APC: variants seen among roughly 807,000 people sequenced by gnomAD.
APC encodes APC regulator of Wnt signaling pathway, also known as adenomatous polyposis coli protein.
APC carries 72 observed loss-of-function variants against 247.0 expected under a neutral mutation model. That is an observed-to-expected ratio of 0.29 (90% confidence interval 0.24 to 0.35). The LOEUF (loss-of-function observed/expected upper bound fraction) is 0.35, where lower values mean the gene tolerates loss of function less well. Ranked by LOEUF, APC falls within the 10% of genes least tolerant of loss-of-function variation. APC has a pLI of 1.00. For missense variants in APC, 3,400 were observed against 3,360.7 expected, an observed-to-expected ratio of 1.01 and a Z score of -0.29; for synonymous variants, 1,254 against 1,162.5, an observed-to-expected ratio of 1.08 and a Z score of -1.60.
intron 1 of APC, among the ~76,000 whole-genome samples, chr5:112,729,552 G>A (rs917119976): frequency 2.6e-5 from 4 of 152,194 alleles, no homozygotes; most frequent in African/African-American, 9.6e-5. Context: ...GACAGGAGAA[G>A]TGATAAGAAT....
At position 112,723,927 on chromosome 5, in the gene APC, T is replaced by C. The variant is rs145567584; in HGVS notation, c.165+16045T>C. ...TGGGAGGGCTCTAATTTTGGGGGGGTCCAGGGTTTAATGATTAGAAATGAG... is the reference window on the plus strand; with the variant it reads ...TGGGAGGGCTCTAATTTTGGGGGGGCCCAGGGTTTAATGATTAGAAATGAG... On this transcript the variant is annotated intron_variant, in intron 1 of 13. Coordinates refer to the APC transcript ENST00000507379. Among the ~76,000 whole-genome samples, 76 of 151,968 alleles carry C rather than the reference T, an allele frequency of 5.0e-4. 2 individuals carry two copies. In the East Asian group the frequency reaches 0.013, roughly 26 times the overall value.
At chr5:112,792,675 A>C in intron 7 of APC, 146 bp downstream of exon 7, 4 of 655,170 alleles carry the variant, frequency 6.1e-6, no homozygotes, top group Non-Finnish European at 1.1e-5. Context: ...CGTGAAATTA[A>C]ATTATCAAAG....
intron 2 of APC, among the ~76,000 whole-genome samples, chr5:112,763,605 G>A (rs1363590645): frequency 2.0e-5 from 3 of 152,046 alleles, no homozygotes; most frequent in Non-Finnish European, 4.4e-5. Flanking sequence ...GTCCAATGAT[G>A]TACGAAGGAT....
Position 112,841,694 on chromosome 5 carries a change from T to A in APC, c.6100T>A (p.Ser2034Thr), listed in dbSNP as rs1766134330. ...NSSLSSLSID[S>T]EDDLLQECIS... ...TTCTCTCAGTTCTCTTAGTATTGAC[T>A]CTGAAGATGACCTGTTGCAGGAATG... Residue 2034 changes from serine (S) to threonine (T), a missense_variant, in exon 16 of 16, where the codon TCT (serine) becomes ACT (threonine). Around this residue, in one of 9 missense-constraint regions of APC, gnomAD observed 1,788 missense variants for 1,649.5 expected, o/e 1.08. Coordinates refer to ENST00000257430, the MANE Select transcript of APC (RefSeq NM_000038.6). This position sits in a 1 kb window ranked among gnomAD's most constrained non-coding sequence, Gnocchi z 4.6. The A allele has an allele frequency of 6.2e-7, 1 of 1,613,882 alleles. No homozygotes were observed.
At position 112,826,953 on chromosome 5, in the gene APC, A is replaced by T. The variant is rs1295033171; in HGVS notation, c.1409-155A>T. ...TAAATATATTATACAGAAGTTCTTT[A>T]TAACAGTTTTTGTAGCTTATAATTC... is the stretch of plus-strand genomic sequence containing the variant. On this transcript the variant is annotated intron_variant, in intron 11 of 15. Coordinates refer to ENST00000257430, the MANE Select transcript of APC (RefSeq NM_000038.6). 2.6e-5 allele frequency among the ~76,000 whole-genome samples: 4 copies of T among 152,226 alleles called. No homozygotes were observed. In the East Asian group the frequency reaches 7.7e-4, roughly 29 times the overall value.
At chr5:112,735,331 A>G (rs1186135836), upstream of APC, among the ~76,000 whole-genome samples, 3 of 151,912 alleles carry the variant, frequency 2.0e-5, no homozygotes, top group Non-Finnish European at 4.4e-5. Flanking sequence ...GCGTGTCACC[A>G]CAGCTGGCTA....
At chr5:112,748,604 G>C (rs1238865366) in intron 1 of APC, among the ~76,000 whole-genome samples, 1 of 152,130 alleles carries the variant, frequency 6.6e-6, no homozygotes, top group Non-Finnish European at 1.5e-5. Flanking sequence ...TGGAGCGCCT[G>C]TAATCCCAGC....
At chr5:112,763,822 T>A (rs1755942310) in intron 2 of APC, among the ~76,000 whole-genome samples, 1 of 152,250 alleles carries the variant, frequency 6.6e-6, no homozygotes. Context: ...ATGCAGATTT[T>A]CAGCCTCTAC....
chr5:112,780,717 T>A, intron 5 of APC, 73 bp from the exon 6 acceptor site: 1 of 1,043,976 alleles, frequency 9.6e-7, no homozygotes, highest in Non-Finnish European at 1.5e-6. Context: ...TATTGGTTCT[T>A]ATATGCTTTT....
intron 2 of APC, among the ~76,000 whole-genome samples, chr5:112,761,251 G>T (rs546257714): frequency 1.3e-5 from 2 of 152,228 alleles, no homozygotes; most frequent in South Asian, 4.2e-4. Context: ...ACAGTCAAAC[G>T]TTATATGAAA....
rs1199369770 is a variant in APC at position 112,707,683 on chromosome 5, G to C, written c.-35G>C. The C allele has an allele frequency of 7.3e-7, 1 of 1,370,394 alleles. No homozygotes were observed. The highest frequency in any genetic ancestry group is 9.6e-7 in the Non-Finnish European group (1 of 1,038,674). The allele number at this position is 1,370,394 out of a possible 1,614,324, so 84.9% of individuals were successfully genotyped here. On this transcript the variant is annotated 5_prime_UTR_variant, in exon 1 of 14. Coordinates refer to the APC transcript ENST00000507379. ...GTTGGCTGTTGGTGAGGAAGGTGAA[G>C]CACTCAGTTGCCTTCTCGGGCCTCG...
At position 112,827,259 on chromosome 5, in the gene APC, T is replaced by C. The variant is rs1656754842; in HGVS notation, c.1548+12T>C. 6.2e-7 allele frequency: 1 copy of C among 1,613,482 alleles called. No individual in the cohort carries two copies. Among genetic ancestry groups the C allele is most frequent in the Admixed American group, 1.7e-5 (1 of 59,992 alleles). Reference sequence around the variant, plus strand: ...ATGTAGCCAACAAGGTATGTTTTTATAACATGTATTTCTTAAGATAGCTCA... The same window carrying C: ...ATGTAGCCAACAAGGTATGTTTTTACAACATGTATTTCTTAAGATAGCTCA... On this transcript the variant is annotated intron_variant, in intron 12 of 15. Coordinates refer to ENST00000257430, the MANE Select transcript of APC (RefSeq NM_000038.6).
At chr5:112,764,674 T>C (rs1451769823) in intron 2 of APC, among the ~76,000 whole-genome samples, 2 of 152,204 alleles carry the variant, frequency 1.3e-5, no homozygotes, top group Non-Finnish European at 2.9e-5. Context: ...TCGAGACATG[T>C]CATTGGAAAT....
chr5:112,743,295 A>G (rs1188322168), intron 1 of APC, among the ~76,000 whole-genome samples: 1 of 152,192 alleles, frequency 6.6e-6, no homozygotes, highest in African/African-American at 2.4e-5. Context: ...CAGCTTCAAG[A>G]TCTTTAACTT....
At chr5:112,784,013 T>C (rs1417006237) in intron 6 of APC, among the ~76,000 whole-genome samples, 2 of 152,150 alleles carry the variant, frequency 1.3e-5, no homozygotes, top group Non-Finnish European at 2.9e-5. Context: ...TGACATGCAG[T>C]ATTAGCAAGG....
chr5:112,793,869 A>G (rs189041759), intron 7 of APC, among the ~76,000 whole-genome samples: 65 of 152,294 alleles, frequency 4.3e-4, no homozygotes, highest in African/African-American at 1.6e-3. Context: ...ATCACTGGGG[A>G]TAAAAAGAAT....
chr5:112,707,646 C>T lies in APC; in HGVS notation c.-72C>T, dbSNP rs2149629990. On this transcript the variant is annotated 5_prime_UTR_variant, in exon 1 of 14. Coordinates refer to the APC transcript ENST00000507379. Reference sequence around the variant, plus strand: ...GACCGAGGTTGGCTCGATGCTGTTCCCAGGTACTGTTGTTGGCTGTTGGTG... The same window carrying T: ...GACCGAGGTTGGCTCGATGCTGTTCTCAGGTACTGTTGTTGGCTGTTGGTG... The T allele has an allele frequency of 7.3e-7, 1 of 1,361,200 alleles. No individual in the cohort carries two copies. Among genetic ancestry groups the T allele is most frequent in the East Asian group, 3.4e-5 (1 of 29,294 alleles). The allele number at this position is 1,361,200 out of a possible 1,614,324, so 84.3% of individuals were successfully genotyped here. A position where few individuals can be genotyped will look rare whatever the true frequency, so the allele number is the denominator to read the frequency against.
upstream of APC, among the ~76,000 whole-genome samples, chr5:112,735,439 A>G (rs2149677765): frequency 6.6e-6 from 1 of 151,894 alleles, no homozygotes; most frequent in Non-Finnish European, 1.5e-5. Context: ...CGGCCTCCCA[A>G]ATTCCTGGGA....
Position 112,838,814 on chromosome 5 carries a change from A to G in APC, c.3220A>G (p.Thr1074Ala), listed in dbSNP as rs962456431. The change falls in exon 16 of 16, where the codon ACT becomes GCT. Residue 1074 changes from threonine (T) to alanine (A), a missense_variant. Around this residue, in one of 9 missense-constraint regions of APC, gnomAD observed 715 missense variants for 656.6 expected, o/e 1.09. Transcript: ENST00000257430. ...AAGACAATCAAGGAATCAAAGTACA[A>G]CTTATCCTGTTTATACTGAGAGCAC... is the stretch of plus-strand genomic sequence containing the variant. ...EQRQSRNQST[T>A]YPVYTESTDD... The G allele has an allele frequency of 8.1e-6, 13 of 1,614,050 alleles. No individual in the cohort carries two copies. The highest frequency in any genetic ancestry group is 2.2e-5 in the South Asian group (2 of 91,082).
Sources: allele counts gnomAD v4.1 joint callset (sites outside exome capture counted in the v4.1 genomes callset), GRCh38; gene constraint gnomAD v4.1.1; regional missense constraint gnomAD v4.1.1; non-coding constraint Gnocchi (gnomAD v3.1); transcripts MANE v1.5; gene names NCBI Gene and HGNC (gene_info 2026-07-23, HGNC 2026-07-21).